The following RMDN2 variants were observed in gnomAD, a reference collection of about 807,000 sequenced individuals.
RMDN2 encodes regulator of microtubule dynamics protein 2.
In RMDN2, 61 loss-of-function variants were observed where a neutral mutation model predicts 52.8. The ratio of observed to expected loss-of-function variants is 1.16; its 90% CI spans 0.94 to 1.43. The LOEUF (loss-of-function observed/expected upper bound fraction) is 1.43, where lower values mean the gene tolerates loss of function less well. Among genes scored for constraint, RMDN2 ranks in the 40% most tolerant of loss-of-function variants. The pLI is 0.00. For synonymous variants in RMDN2, 180 were observed against 153.1 expected (o/e 1.18, Z -1.30); for missense variants, 592 against 475.3 (o/e 1.25, Z -2.28).
intron 10 of RMDN2, among the ~76,000 whole-genome samples, chr2:38,026,747 C>T (rs558206419): frequency 4.6e-5 from 7 of 152,266 alleles, no homozygotes; most frequent in Non-Finnish European, 8.8e-5. Flanking sequence ...TGCTATCCCT[C>T]CCCTAGTCCA....
chr2:38,048,583 T>C (rs1320010289), intron 10 of RMDN2, among the ~76,000 whole-genome samples: 1 of 152,158 alleles, frequency 6.6e-6, no homozygotes, highest in African/African-American at 2.4e-5. Flanking sequence ...TCTGTGAAAG[T>C]GTGGATCTAG....
chr2:37,968,559 A>G (rs1052029606), intron 2 of RMDN2, among the ~76,000 whole-genome samples: 9 of 150,998 alleles, frequency 6.0e-5, no homozygotes, highest in African/African-American at 1.9e-4. Flanking sequence ...ACACTCTTTT[A>G]TTTTCACAGT....
chr2:38,008,741 G>C (rs1371204222), intron 10 of RMDN2, among the ~76,000 whole-genome samples: 6 of 152,176 alleles, frequency 3.9e-5, no homozygotes, highest in Admixed American at 1.3e-4. Context: ...ATTTGATCCT[G>C]TCATTATGAT....
chr2:37,949,140 G>A (rs988800314), intron 2 of RMDN2, among the ~76,000 whole-genome samples: 3 of 152,198 alleles, frequency 2.0e-5, no homozygotes, highest in Non-Finnish European at 4.4e-5. Flanking sequence ...AAATGTAATA[G>A]ATTGCTACAG....
At chr2:38,061,646 C>CACATACACACAT (rs1553393409) in intron 10 of RMDN2, among the ~76,000 whole-genome samples, 1 of 149,824 alleles carries the variant, frequency 6.7e-6, no homozygotes, top group African/African-American at 2.5e-5. Flanking sequence ...CACACACACA[C>CACATACACACAT]ACACACATAC....
chr2:38,017,156 T>C (rs1249861957), intron 10 of RMDN2, 30 bp from the exon 11 acceptor site: 2 of 1,402,236 alleles, frequency 1.4e-6, no homozygotes, highest in Admixed American at 4.4e-5. Context: ...ATGCATGAAA[T>C]TTCATTATGT....
intron 1 of RMDN2, among the ~76,000 whole-genome samples, chr2:37,925,635 C>T (rs1666212595): frequency 6.6e-6 from 1 of 152,222 alleles, no homozygotes; most frequent in South Asian, 2.1e-4. Context: ...GTTCATCCCT[C>T]GCTGACCCTG....
At chr2:37,952,368 A>G (rs1442189593) in intron 2 of RMDN2, 1 of 613,564 alleles carries the variant, frequency 1.6e-6, no homozygotes, top group Non-Finnish European at 2.7e-6. Context: ...TAATTGCTGT[A>G]GTTTTGAAAG....
chr2:38,038,731 T>C (rs1680759958), intron 10 of RMDN2, among the ~76,000 whole-genome samples: 2 of 152,192 alleles, frequency 1.3e-5, no homozygotes, highest in Admixed American at 1.3e-4. Flanking sequence ...TTGATTACAC[T>C]GGGTGCTTCT....
At chr2:38,050,221 A>G (rs4670809) in intron 10 of RMDN2, among the ~76,000 whole-genome samples, 25,533 of 151,242 alleles carry the variant, frequency 0.17, 4,104 homozygotes, top group African/African-American at 0.43. Flanking sequence ...ATGTGCCTCC[A>G]CTCCTCTCAT....
chr2:38,022,182 A>G (rs1679434239), downstream of RMDN2, among the ~76,000 whole-genome samples: 1 of 152,244 alleles, frequency 6.6e-6, no homozygotes, highest in South Asian at 2.1e-4. Flanking sequence ...ACAAACCAAA[A>G]TAAAGAAGTT....
chr2:38,026,551 T>C (rs1437763855), intron 10 of RMDN2, among the ~76,000 whole-genome samples: 2 of 152,156 alleles, frequency 1.3e-5, no homozygotes, highest in African/African-American at 2.4e-5. Context: ...GCTTCTAATT[T>C]CTTAAGGTGG....
chr2:37,957,087 G>C (rs1234926025), intron 2 of RMDN2, among the ~76,000 whole-genome samples: 1 of 152,164 alleles, frequency 6.6e-6, no homozygotes, highest in Non-Finnish European at 1.5e-5. Flanking sequence ...TCAAGTCTTT[G>C]CTGTTGTGAA....
At chr2:38,058,643 C>G (rs1054464218) in intron 10 of RMDN2, among the ~76,000 whole-genome samples, 5 of 152,178 alleles carry the variant, frequency 3.3e-5, no homozygotes, top group African/African-American at 1.2e-4. Flanking sequence ...AAAATATAAC[C>G]TTATGTGGAT....
chr2:37,944,283 A>G (rs1668037652), intron 2 of RMDN2, among the ~76,000 whole-genome samples: 1 of 151,784 alleles, frequency 6.6e-6, no homozygotes, highest in Non-Finnish European at 1.5e-5. Flanking sequence ...TTTTATAAAC[A>G]GGTGATGTAT....
intron 5 of RMDN2, among the ~76,000 whole-genome samples, chr2:37,987,840 C>T (rs990692982): frequency 1.3e-5 from 2 of 151,942 alleles, no homozygotes; most frequent in Non-Finnish European, 2.9e-5. Context: ...GGGCAGATCA[C>T]CTGAGGTCAG....
downstream of RMDN2, among the ~76,000 whole-genome samples, chr2:38,018,970 CT>C (rs1014864683): frequency 3.3e-5 from 5 of 152,128 alleles, no homozygotes; most frequent in African/African-American, 1.2e-4. Flanking sequence ...AAGCAACCCC[CT>C]AGCCCCATCT....
At chr2:37,967,534 C>G (rs1442799322) in intron 2 of RMDN2, among the ~76,000 whole-genome samples, 1 of 152,150 alleles carries the variant, frequency 6.6e-6, no homozygotes, top group Non-Finnish European at 1.5e-5. Flanking sequence ...TTTGGATGCT[C>G]AAGGTATTTT....
At chr2:37,931,448 T>C (rs1403024923) in intron 2 of RMDN2, among the ~76,000 whole-genome samples, 1 of 152,186 alleles carries the variant, frequency 6.6e-6, no homozygotes, top group Non-Finnish European at 1.5e-5. Flanking sequence ...GTTTTGGCAG[T>C]TGCATCTTAG....
Sources: gnomAD v4.1 joint callset for allele counts (sites outside exome capture counted in the v4.1 genomes callset) on GRCh38, gnomAD v4.1.1 for gene constraint, MANE v1.5 for transcripts, NCBI Gene and HGNC (gene_info 2026-07-23, HGNC 2026-07-21) for gene names.